The following PLXDC2 variants were observed in gnomAD, a reference collection of about 807,000 sequenced individuals.
PLXDC2 encodes the protein plexin domain containing 2.
Under a neutral mutation model 68.9 loss-of-function variants are expected in PLXDC2, and 40 were observed. The ratio of observed to expected loss-of-function variants is 0.58; its 90% CI spans 0.45 to 0.76. PLXDC2 has a LOEUF of 0.76. Among genes scored for constraint, PLXDC2 ranks in the 30% least tolerant of loss-of-function variants. PLXDC2 has a pLI of 0.00. For missense variants in PLXDC2, 644 were observed against 661.9 expected (o/e 0.97, Z 0.30); for synonymous variants, 243 against 234.2 (o/e 1.04, Z -0.34).
intron 1 of PLXDC2, among the ~76,000 whole-genome samples, chr10:19,944,236 G>T (rs1833865359): frequency 2.6e-5 from 4 of 152,030 alleles, no homozygotes. Flanking sequence ...CATCCCATCG[G>T]CTTCTGTATT....
chr10:19,867,314 C>T lies in PLXDC2; in HGVS notation c.112+50123C>T, dbSNP rs772287462. Among the ~76,000 whole-genome samples, 56 of 152,062 alleles carry T rather than the reference C, an allele frequency of 3.7e-4. 1 individual carries two copies. Among genetic ancestry groups the T allele is most frequent in the Non-Finnish European group, 6.2e-4 (42 of 68,024 alleles). The stretch of plus-strand genomic sequence containing the variant: ...TCCTGACCTCAGGTGATCCACCAGC[C>T]TCAGCCTCCCAAAGTGCTGGGATTA... On this transcript the variant is annotated intron_variant, in intron 1 of 13. Transcript: ENST00000377252.
intron 13 of PLXDC2, among the ~76,000 whole-genome samples, chr10:20,271,751 G>A (rs2119382827): frequency 1.3e-5 from 2 of 152,228 alleles, no homozygotes; most frequent in East Asian, 1.9e-4. Flanking sequence ...GAACTACAGA[G>A]GCTAATTAGA....
intron 6 of PLXDC2, among the ~76,000 whole-genome samples, chr10:20,158,174 T>G (rs902675119): frequency 2.6e-5 from 4 of 152,104 alleles, no homozygotes; most frequent in African/African-American, 9.7e-5. Context: ...GAATATAAAT[T>G]TGTAGAAAGG....
chr10:20,101,546 A>G (rs1833421689), intron 4 of PLXDC2, among the ~76,000 whole-genome samples: 1 of 152,158 alleles, frequency 6.6e-6, no homozygotes, highest in Non-Finnish European at 1.5e-5. Flanking sequence ...TCTACTAAAA[A>G]ATGTCTTTGA....
intron 1 of PLXDC2, among the ~76,000 whole-genome samples, chr10:19,944,967 A>G (rs1365161371): frequency 6.6e-6 from 1 of 152,134 alleles, no homozygotes; most frequent in Non-Finnish European, 1.5e-5. Context: ...AAAACAAAAC[A>G]AAACAAAAAA....
At chr10:20,163,637 G>T (rs2131814040) in intron 6 of PLXDC2, among the ~76,000 whole-genome samples, 1 of 152,070 alleles carries the variant, frequency 6.6e-6, no homozygotes, top group South Asian at 2.1e-4. Flanking sequence ...ATTGAAGATG[G>T]TTTCATTCCC....
chr10:20,030,412 C>A (rs1283647074), intron 2 of PLXDC2, among the ~76,000 whole-genome samples: 10 of 152,214 alleles, frequency 6.6e-5, no homozygotes, highest in Non-Finnish European at 2.9e-5. Context: ...GGCTGTACAG[C>A]TTCTTCTCTT....
intron 1 of PLXDC2, among the ~76,000 whole-genome samples, chr10:19,858,305 G>A (rs569080425): frequency 3.2e-4 from 48 of 152,208 alleles, no homozygotes; most frequent in Admixed American, 1.8e-3. Context: ...GCTGTCTCCC[G>A]CTTAACTGTG....
chr10:20,151,344 C>T (rs964571033), intron 6 of PLXDC2, among the ~76,000 whole-genome samples: 1 of 152,084 alleles, frequency 6.6e-6, no homozygotes. Context: ...TCAATAGTTT[C>T]CTACAGCTTT....
intron 1 of PLXDC2, among the ~76,000 whole-genome samples, chr10:19,963,672 C>T (rs1220424502): frequency 6.6e-6 from 1 of 152,004 alleles, no homozygotes; most frequent in Non-Finnish European, 1.5e-5. Context: ...GAACATCACA[C>T]ACCGGGGCCT....
intron 4 of PLXDC2, among the ~76,000 whole-genome samples, chr10:20,140,232 G>A (rs1833984383): frequency 6.6e-6 from 1 of 152,044 alleles, no homozygotes; most frequent in Non-Finnish European, 1.5e-5. Flanking sequence ...CTGGGAGGCG[G>A]ATCTTGCAGT....
chr10:20,003,387 G>A (rs1375836252), intron 2 of PLXDC2, among the ~76,000 whole-genome samples: 1 of 152,148 alleles, frequency 6.6e-6, no homozygotes, highest in Non-Finnish European at 1.5e-5. Context: ...ACCAGAGGTT[G>A]TTGGCATGGC....
intron 1 of PLXDC2, among the ~76,000 whole-genome samples, chr10:19,898,262 G>A (rs975543368): frequency 6.6e-6 from 1 of 152,122 alleles, no homozygotes; most frequent in Admixed American, 6.5e-5. Context: ...TATATTGTGT[G>A]ATGTTAAGGT....
intron 4 of PLXDC2, among the ~76,000 whole-genome samples, chr10:20,122,400 TCGAGG>T (rs1483691599): frequency 7.9e-5 from 12 of 152,250 alleles, no homozygotes; most frequent in African/African-American, 2.9e-4. Context: ...TAGGGGGCTT[TCGAGG>T]CGATTGGGCA....
chr10:20,062,012 G>A (rs1055170411), intron 3 of PLXDC2, among the ~76,000 whole-genome samples: 1 of 152,198 alleles, frequency 6.6e-6, no homozygotes, highest in African/African-American at 2.4e-5. Flanking sequence ...ACAGCATATT[G>A]TTATACTTCA....
rs547485908 is a variant in PLXDC2 at position 19,893,157 on chromosome 10, T to A, written c.112+75966T>A. On this transcript the variant is annotated intron_variant, in intron 1 of 13. Transcript: ENST00000377252. ...GTTGGGGGACGCCTAGGTGTGGGGATTGCTTTCATTCAGATGTGGCTGTGA... is the reference window on the plus strand; with the variant it reads ...GTTGGGGGACGCCTAGGTGTGGGGAATGCTTTCATTCAGATGTGGCTGTGA... Among the ~76,000 whole-genome samples the A allele has an allele frequency of 5.3e-5, 8 of 152,218 alleles. No homozygotes were observed. In the South Asian group the frequency reaches 1.7e-3, roughly 32 times the overall value.
intron 1 of PLXDC2, among the ~76,000 whole-genome samples, chr10:19,871,882 C>T (rs1435038087): frequency 8.2e-6 from 1 of 122,088 alleles, no homozygotes; most frequent in African/African-American, 3.2e-5. Flanking sequence ...GTGAAACTGT[C>T]AAAAAAAAAA....
intron 1 of PLXDC2, among the ~76,000 whole-genome samples, chr10:19,978,295 T>C (rs1035438748): frequency 6.6e-6 from 1 of 152,232 alleles, no homozygotes; most frequent in African/African-American, 2.4e-5. Flanking sequence ...GACTCTCAAA[T>C]TGTACATGTC....
chr10:19,921,460 T>G (rs1221611539), intron 1 of PLXDC2, among the ~76,000 whole-genome samples: 1 of 152,162 alleles, frequency 6.6e-6, no homozygotes, highest in Non-Finnish European at 1.5e-5. Context: ...GACATTCACT[T>G]AGGGATTTGG....
Sources: allele counts gnomAD v4.1 joint callset (sites outside exome capture counted in the v4.1 genomes callset), GRCh38; gene constraint gnomAD v4.1.1; transcripts MANE v1.5; gene names NCBI Gene and HGNC (gene_info 2026-07-23, HGNC 2026-07-21).